The following ZNF589 variants were observed in gnomAD, a reference collection of about 807,000 sequenced individuals.
ZNF589 encodes the protein zinc finger protein 589, also known as KRAB-zinc finger protein SZF1-1.
Under a neutral mutation model 13.6 loss-of-function variants are expected in ZNF589, and 17 were observed. The ratio of observed to expected loss-of-function variants is 1.25; its 90% CI spans 0.86 to 1.88. The LOEUF (loss-of-function observed/expected upper bound fraction) is 1.88. Ranked by LOEUF, ZNF589 falls within the 40% of genes most tolerant of loss-of-function variation. The pLI is 0.00. For synonymous variants in ZNF589, 148 were observed against 161.6 expected (o/e 0.92, Z 0.64); for missense variants, 407 against 434.0 (o/e 0.94, Z 0.55).
chr3:48,263,921 A>G (rs2033994001), intron 3 of ZNF589, among the ~76,000 whole-genome samples: 1 of 152,216 alleles, frequency 6.6e-6, no homozygotes, highest in African/African-American at 2.4e-5. Flanking sequence ...TCCTTTTTTA[A>G]TTAACTTGGC....
rs774226790 is a variant in ZNF589 at position 48,264,836 on chromosome 3, TAAATA to T, written c.224-3067_224-3063del. On this transcript the variant is annotated intron_variant, in intron 3 of 3. Coordinates refer to ENST00000354698, the MANE Select transcript of ZNF589 (RefSeq NM_016089.3). The stretch of plus-strand genomic sequence containing the variant: ...AGAGACTCTGTCTCAAAAAAATAAA[TAAATA>T]AAATAAAATAAGAGAAAGAATTGGC... Among the ~76,000 whole-genome samples the T allele has an allele frequency of 5.0e-4, 76 of 151,976 alleles. No homozygotes were observed. The Middle Eastern group carries it at 0.027, about 54-fold the overall frequency.
At chr3:48,247,542 G>A (rs2033782254) in intron 1 of ZNF589, 83 bp from the exon 2 acceptor site, 5 of 1,536,820 alleles carry the variant, frequency 3.3e-6, no homozygotes, top group Middle Eastern at 2.3e-4. Flanking sequence ...GGTGGCCACA[G>A]CCAAGGCTCA....
chr3:48,268,977 C>A lies in ZNF589; in HGVS notation c.*191C>A. 2 of 866,044 alleles carry A rather than the reference C, an allele frequency of 2.3e-6. No individual in the cohort carries two copies. The highest frequency in any genetic ancestry group is 3.6e-6 in the Non-Finnish European group (2 of 558,056). 53.6% of individuals were successfully genotyped at this position (866,044 alleles called of 1,614,324 possible). ...TGTGGGCATGGATTTAGCCAGAAGT[C>A]GTCGCTCAAATCACATCGGAGAACA... is the stretch of plus-strand genomic sequence containing the variant. On this transcript the variant is annotated 3_prime_UTR_variant, in exon 4 of 4. Coordinates refer to ENST00000354698, the MANE Select transcript of ZNF589 (RefSeq NM_016089.3).
At chr3:48,263,396 C>A (rs890317913) in intron 3 of ZNF589, among the ~76,000 whole-genome samples, 1 of 152,184 alleles carries the variant, frequency 6.6e-6, no homozygotes, top group African/African-American at 2.4e-5. Flanking sequence ...CGGCGTGAGC[C>A]GCCACGCCCG....
At chr3:48,248,139 C>T (rs2033791089) in intron 2 of ZNF589, among the ~76,000 whole-genome samples, 1 of 152,228 alleles carries the variant, frequency 6.6e-6, no homozygotes, top group Non-Finnish European at 1.5e-5. Flanking sequence ...GTTATCAACT[C>T]ATGGCCAATT....
chr3:48,247,299 T>C (rs1027943639), intron 1 of ZNF589, among the ~76,000 whole-genome samples: 1 of 151,714 alleles, frequency 6.6e-6, no homozygotes, highest in South Asian at 2.1e-4. Context: ...AAAAAAAACA[T>C]GTAACTAGAG....
At chr3:48,260,381 CCT>C (rs2106843983) in intron 2 of ZNF589, among the ~76,000 whole-genome samples, 1 of 152,012 alleles carries the variant, frequency 6.6e-6, no homozygotes, top group South Asian at 2.1e-4. Context: ...CTCAAGCAAT[CCT>C]CTCATGTCAG....
intron 3 of ZNF589, among the ~76,000 whole-genome samples, chr3:48,262,655 A>G (rs1575295331): frequency 6.6e-6 from 1 of 152,172 alleles, no homozygotes; most frequent in South Asian, 2.1e-4. Flanking sequence ...CACACATTCC[A>G]TCTTCTAAAA....
At chr3:48,249,509 AT>A (rs1409650177) in intron 2 of ZNF589, among the ~76,000 whole-genome samples, 1 of 152,162 alleles carries the variant, frequency 6.6e-6, no homozygotes, top group South Asian at 2.1e-4. Context: ...ATCGTTTCTG[AT>A]TTTTTTCTGA....
intron 2 of ZNF589, chr3:48,256,731 A>G: frequency 5.4e-6 from 8 of 1,476,442 alleles, no homozygotes; most frequent in Non-Finnish European, 7.6e-6. Flanking sequence ...CAGATGGGGC[A>G]CTGGCCAGAG....
chr3:48,244,544 C>T (rs916165064), intron 1 of ZNF589, among the ~76,000 whole-genome samples: 1 of 152,072 alleles, frequency 6.6e-6, no homozygotes, highest in Admixed American at 6.6e-5. Context: ...TTTTCTAGGG[C>T]ATGCAAGAGG....
intron 2 of ZNF589, among the ~76,000 whole-genome samples, chr3:48,249,364 C>T (rs752680847): frequency 8.5e-5 from 13 of 152,166 alleles, no homozygotes; most frequent in African/African-American, 1.2e-4. Context: ...CGGCCTCCCA[C>T]AGTGCTGGGA....
intron 3 of ZNF589, among the ~76,000 whole-genome samples, chr3:48,263,617 G>A (rs1050192040): frequency 2.0e-5 from 3 of 152,064 alleles, no homozygotes; most frequent in African/African-American, 4.8e-5. Context: ...AAAACAGGCC[G>A]GCATGGTGAT....
intron 1 of ZNF589, among the ~76,000 whole-genome samples, chr3:48,246,551 C>A (rs1575291261): frequency 1.3e-5 from 2 of 152,332 alleles, no homozygotes; most frequent in East Asian, 3.9e-4. Flanking sequence ...TTCAAGTGAT[C>A]CTCCCACCTC....
chr3:48,251,942 G>C (rs1276623219), intron 2 of ZNF589, among the ~76,000 whole-genome samples: 1 of 151,974 alleles, frequency 6.6e-6, no homozygotes, highest in Non-Finnish European at 1.5e-5. Flanking sequence ...GGGAGGCTGA[G>C]GTAGGAGGAT....
Position 48,269,396 on chromosome 3 carries a change from T to C in ZNF589, c.*610T>C. The C allele has an allele frequency of 1.8e-6, 1 of 544,552 alleles. No individual in the cohort carries two copies. 33.7% of individuals were successfully genotyped at this position (544,552 alleles called of 1,614,324 possible). A position where few individuals can be genotyped will look rare whatever the true frequency, so the allele number is the denominator to read the frequency against. On this transcript the variant is annotated 3_prime_UTR_variant, in exon 4 of 4. Coordinates refer to ENST00000354698, the MANE Select transcript of ZNF589 (RefSeq NM_016089.3). ...GTGTGGGCGAGGCTTTTGTGATAAA[T>C]CAACTCTCCTCGCACACGAGCAGAC...
At chr3:48,251,592 AC>A (rs2033839423) in intron 2 of ZNF589, among the ~76,000 whole-genome samples, 2 of 151,504 alleles carry the variant, frequency 1.3e-5, no homozygotes, top group Non-Finnish European at 2.9e-5. Context: ...ATTTAAGATC[AC>A]CTTTAAGTTG....
intron 2 of ZNF589, among the ~76,000 whole-genome samples, chr3:48,255,396 A>T (rs1214774812): frequency 6.6e-6 from 1 of 151,244 alleles, no homozygotes; most frequent in African/African-American, 2.4e-5. Flanking sequence ...GGCTGGTCTC[A>T]AGCTCCTGAC....
intron 1 of ZNF589, among the ~76,000 whole-genome samples, chr3:48,245,946 CAA>C (rs1378321395): frequency 7.9e-6 from 1 of 125,850 alleles, no homozygotes; most frequent in Non-Finnish European, 1.7e-5. Context: ...GACTCTGTCT[CAA>C]AAAAAAAAAA....
Sources: gnomAD v4.1 joint callset for allele counts (sites outside exome capture counted in the v4.1 genomes callset) on GRCh38, gnomAD v4.1.1 for gene constraint, MANE v1.5 for transcripts, NCBI Gene and HGNC (gene_info 2026-07-23, HGNC 2026-07-21) for gene names.